The following STXBP5L variants were observed in gnomAD, a reference collection of about 807,000 sequenced individuals.
STXBP5L encodes syntaxin-binding protein 5-like.
A neutral mutation model predicts 144.5 loss-of-function variants in STXBP5L; 65 were observed. That is an observed-to-expected ratio of 0.45 (90% CI 0.37 to 0.55). The LOEUF (loss-of-function observed/expected upper bound fraction) is 0.55, where lower values mean the gene tolerates loss of function less well. Ranked by LOEUF, STXBP5L falls within the 20% of genes least tolerant of loss-of-function variation. The pLI is 0.00. For synonymous variants in STXBP5L, 505 were observed against 469.6 expected (o/e 1.08, Z -0.97); for missense variants, 1,298 against 1,405.5 (o/e 0.92, Z 1.22).
At chr3:121,126,715 A>G (rs1211577899) in intron 7 of STXBP5L, among the ~76,000 whole-genome samples, 1 of 152,198 alleles carries the variant, frequency 6.6e-6, no homozygotes, top group Non-Finnish European at 1.5e-5. Flanking sequence ...AATAGCTTAA[A>G]ACAAAACAAT....
intron 9 of STXBP5L, among the ~76,000 whole-genome samples, chr3:121,161,978 T>C (rs1430245294): frequency 6.6e-6 from 1 of 152,172 alleles, no homozygotes; most frequent in Non-Finnish European, 1.5e-5. Flanking sequence ...TTTCTTATGA[T>C]GCAATTAGAC....
intron 18 of STXBP5L, among the ~76,000 whole-genome samples, chr3:121,262,955 C>T (rs1255201707): frequency 6.6e-6 from 1 of 152,164 alleles, no homozygotes; most frequent in Non-Finnish European, 1.5e-5. Flanking sequence ...CCCAGCACAG[C>T]GCTTGAGCTC....
At chr3:121,101,579 A>G (rs1437780840) in intron 5 of STXBP5L, among the ~76,000 whole-genome samples, 1 of 152,094 alleles carries the variant, frequency 6.6e-6, no homozygotes, top group African/African-American at 2.4e-5. Context: ...AGGAATATAT[A>G]CCATAGAATG....
chr3:121,094,987 G>A (rs1172176241), intron 5 of STXBP5L, among the ~76,000 whole-genome samples: 2 of 152,058 alleles, frequency 1.3e-5, no homozygotes, highest in Non-Finnish European at 2.9e-5. Flanking sequence ...AAATCTCTCA[G>A]CATTTGCTTG....
At chr3:121,013,090 T>C (rs1214035935) in intron 3 of STXBP5L, among the ~76,000 whole-genome samples, 2 of 152,054 alleles carry the variant, frequency 1.3e-5, no homozygotes, top group African/African-American at 4.8e-5. Context: ...CTTTATCCAA[T>C]CTATCATTGA....
intron 7 of STXBP5L, among the ~76,000 whole-genome samples, chr3:121,140,181 A>G (rs1364364635): frequency 6.6e-6 from 1 of 152,144 alleles, no homozygotes; most frequent in Non-Finnish European, 1.5e-5. Context: ...GCTCATCATC[A>G]GGGAAATGCA....
At chr3:121,146,106 T>C (rs1024886646) in intron 7 of STXBP5L, among the ~76,000 whole-genome samples, 1 of 152,012 alleles carries the variant, frequency 6.6e-6, no homozygotes, top group Non-Finnish European at 1.5e-5. Flanking sequence ...TAAATTACAA[T>C]CCCAGTTTTC....
chr3:121,065,457 ACTAT>A (rs2041499823), intron 5 of STXBP5L, among the ~76,000 whole-genome samples: 2 of 152,204 alleles, frequency 1.3e-5, no homozygotes, highest in South Asian at 2.1e-4. Context: ...CCTTGTATTA[ACTAT>A]CTATTGCTAT....
intron 9 of STXBP5L, among the ~76,000 whole-genome samples, chr3:121,177,197 T>A (rs772515664): frequency 9.9e-5 from 15 of 152,050 alleles, no homozygotes; most frequent in Non-Finnish European, 1.8e-4. Context: ...TAAAATAATA[T>A]GGCATGGCTG....
At chr3:120,947,134 A>C (rs895507379) in intron 2 of STXBP5L, among the ~76,000 whole-genome samples, 21 of 152,010 alleles carry the variant, frequency 1.4e-4, no homozygotes, top group African/African-American at 4.8e-4. Context: ...AGCATTAAGA[A>C]GAGCTAGATA....
chr3:121,092,335 G>A (rs568217116), intron 5 of STXBP5L, among the ~76,000 whole-genome samples: 27 of 152,108 alleles, frequency 1.8e-4, no homozygotes, highest in Admixed American at 3.9e-4. Flanking sequence ...GATGGGGATG[G>A]CATTGAATCT....
intron 22 of STXBP5L, among the ~76,000 whole-genome samples, chr3:121,395,863 C>G (rs528106962): frequency 6.6e-6 from 1 of 152,266 alleles, no homozygotes; most frequent in East Asian, 1.9e-4. Flanking sequence ...TTGCTTGTGA[C>G]AGTTGGGGTC....
At chr3:121,238,813 A>C (rs1559894643) in intron 12 of STXBP5L, among the ~76,000 whole-genome samples, 158 bp from the exon 13 acceptor site, 2 of 152,090 alleles carry the variant, frequency 1.3e-5, no homozygotes, top group African/African-American at 4.8e-5. Context: ...CTATTACAAA[A>C]AGAGCATTTT....
At chr3:121,095,369 C>A (rs116426732) in intron 5 of STXBP5L, among the ~76,000 whole-genome samples, 5,409 of 152,268 alleles carry the variant, frequency 0.036, 146 homozygotes, top group Middle Eastern at 0.082. Flanking sequence ...TGGATAATAA[C>A]CTGCAGAGTG....
chr3:121,103,298 C>G (rs1408473618), intron 5 of STXBP5L, among the ~76,000 whole-genome samples: 2 of 152,080 alleles, frequency 1.3e-5, no homozygotes, highest in African/African-American at 4.8e-5. Context: ...CCAGGTGCCC[C>G]TTGACAGTGG....
chr3:121,212,559 T>A (rs1296957976), intron 10 of STXBP5L, among the ~76,000 whole-genome samples: 1 of 152,140 alleles, frequency 6.6e-6, no homozygotes, highest in Non-Finnish European at 1.5e-5. Flanking sequence ...CTCGGTTCTG[T>A]TCCATTGGTC....
chr3:121,301,552 A>G (rs1329294544), intron 19 of STXBP5L, among the ~76,000 whole-genome samples: 5 of 152,018 alleles, frequency 3.3e-5, no homozygotes, highest in South Asian at 4.2e-4. Flanking sequence ...TCTCCTGCCT[A>G]ATTGCCCTGG....
At chr3:121,277,297 A>G (rs1246916174) in intron 18 of STXBP5L, among the ~76,000 whole-genome samples, 2 of 151,972 alleles carry the variant, frequency 1.3e-5, no homozygotes, top group Non-Finnish European at 2.9e-5. Context: ...CTCCATTTTC[A>G]TGACCTAGTC....
At chr3:121,039,893 G>C (rs1423815745) in intron 3 of STXBP5L, among the ~76,000 whole-genome samples, 1 of 151,588 alleles carries the variant, frequency 6.6e-6, no homozygotes, top group Non-Finnish European at 1.5e-5. Flanking sequence ...ATATTTTCAA[G>C]TTCACTAATC....
Sources: gnomAD v4.1 joint callset for allele counts (sites outside exome capture counted in the v4.1 genomes callset) on GRCh38, gnomAD v4.1.1 for gene constraint, MANE v1.5 for transcripts, NCBI Gene and HGNC (gene_info 2026-07-23, HGNC 2026-07-21) for gene names.